CUX2: variants seen among roughly 807,000 people sequenced by gnomAD.
CUX2 encodes the protein cut like homeobox 2, also known as homeobox protein cut-like 2.
A neutral mutation model predicts 144.8 loss-of-function variants in CUX2; 40 were observed. That is an observed-to-expected ratio of 0.28 (90% CI 0.21 to 0.36). The LOEUF (loss-of-function observed/expected upper bound fraction) is 0.36. Among genes scored for constraint, CUX2 ranks in the 10% least tolerant of loss-of-function variants. The pLI, the probability that CUX2 is intolerant of heterozygous loss-of-function variation, is 1.00. For synonymous variants in CUX2, 827 were observed against 875.6 expected, an observed-to-expected ratio of 0.94 and a Z score of 0.98; for missense variants, 1,615 against 1,994.0, an observed-to-expected ratio of 0.81 and a Z score of 3.62.
chr12:111,309,975 G>A, intron 14 of CUX2, 66 bp from the exon 15 acceptor site: 3 of 1,244,602 alleles, frequency 2.4e-6, no homozygotes, highest in Non-Finnish European at 3.0e-6. Flanking sequence ...TTTTCTCCCT[G>A]TCTCTCTCTC....
intron 1 of CUX2, among the ~76,000 whole-genome samples, chr12:111,181,058 G>A (rs1443323126): frequency 6.6e-6 from 1 of 152,262 alleles, no homozygotes; most frequent in Non-Finnish European, 1.5e-5. Context: ...TCCGGCAGCT[G>A]CAGAGAGAAG....
At chr12:111,283,933 G>T (rs1177143166) in intron 4 of CUX2, among the ~76,000 whole-genome samples, 1 of 152,138 alleles carries the variant, frequency 6.6e-6, no homozygotes, top group African/African-American at 2.4e-5. Context: ...CTCCCCACCA[G>T]CCTGGCCGAG....
At chr12:111,154,463 G>A (rs1374116986) in intron 1 of CUX2, among the ~76,000 whole-genome samples, 1 of 152,100 alleles carries the variant, frequency 6.6e-6, no homozygotes, top group Non-Finnish European at 1.5e-5. Context: ...CCTCACTCTC[G>A]AGGAAGGCCA....
intron 1 of CUX2, among the ~76,000 whole-genome samples, chr12:111,123,566 C>T (rs577602079): frequency 6.6e-5 from 10 of 152,094 alleles, no homozygotes; most frequent in Non-Finnish European, 1.0e-4. Flanking sequence ...GACAGGGTCT[C>T]ACTGTATTGC....
chr12:111,170,003 T>C (rs1211416205), intron 1 of CUX2, among the ~76,000 whole-genome samples: 1 of 152,148 alleles, frequency 6.6e-6, no homozygotes, highest in Non-Finnish European at 1.5e-5. Context: ...ACAGGGCCAC[T>C]GGATGCCCCA....
intron 9 of CUX2, among the ~76,000 whole-genome samples, chr12:111,302,477 C>T (rs1430241291): frequency 6.6e-6 from 1 of 152,166 alleles, no homozygotes; most frequent in Non-Finnish European, 1.5e-5. Flanking sequence ...GAGATGAAGC[C>T]TCTTGCCTAA....
intron 21 of CUX2, among the ~76,000 whole-genome samples, chr12:111,343,102 G>A (rs1370775548): frequency 6.6e-6 from 1 of 151,964 alleles, no homozygotes; most frequent in African/African-American, 2.4e-5. Context: ...TGGGGGTACA[G>A]GCCTGAGGAA....
At chr12:111,043,360 A>G (rs1869838703) in intron 1 of CUX2, among the ~76,000 whole-genome samples, 2 of 152,214 alleles carry the variant, frequency 1.3e-5, no homozygotes. Flanking sequence ...AAGAGGGAAC[A>G]GCATTTGCAG....
chr12:111,131,902 C>A (rs1875508429), intron 1 of CUX2, among the ~76,000 whole-genome samples: 1 of 152,216 alleles, frequency 6.6e-6, no homozygotes, highest in Non-Finnish European at 1.5e-5. Context: ...GCTCACAGTG[C>A]AAGCTGTCAG....
intron 1 of CUX2, among the ~76,000 whole-genome samples, chr12:111,048,149 A>G (rs1269238551): frequency 3.3e-5 from 5 of 152,174 alleles, no homozygotes; most frequent in East Asian, 1.9e-4. Flanking sequence ...TTTGAATTCT[A>G]TTATCATGGA....
Position 111,308,327 on chromosome 12 carries a change from C to T in CUX2, c.1152C>T (p.Leu384=), listed in dbSNP as rs1886702500. The change falls in exon 13 of 22, where the codon CTC becomes CTT. Residue 384 remains leucine (L), a synonymous_variant. Coordinates refer to ENST00000261726, the MANE Select transcript of CUX2 (RefSeq NM_015267.4). The part of the protein sequence containing the change: ...AMKLASSTCS[L]PQGMAKPEDS... Reference sequence around the variant, plus strand: ...AGCTGGCCTCCAGCACCTGCAGCCTCCCCCAGGTAAGTGTCCCTGCCACCA... The same window carrying T: ...AGCTGGCCTCCAGCACCTGCAGCCTTCCCCAGGTAAGTGTCCCTGCCACCA... The T allele has an allele frequency of 6.2e-7, 1 of 1,614,008 alleles. No individual in the cohort carries two copies. The highest frequency in any genetic ancestry group is 1.3e-5 in the African/African-American group (1 of 74,912).
At chr12:111,208,094 C>G (rs1881018451) in intron 1 of CUX2, among the ~76,000 whole-genome samples, 1 of 152,010 alleles carries the variant, frequency 6.6e-6, no homozygotes, top group South Asian at 2.1e-4. Context: ...TTGTCCTAGG[C>G]CAGGTTTTAA....
At chr12:111,278,676 A>G (rs1884989403) in intron 4 of CUX2, among the ~76,000 whole-genome samples, 1 of 152,178 alleles carries the variant, frequency 6.6e-6, no homozygotes, top group Non-Finnish European at 1.5e-5. Context: ...GAAAAACAAG[A>G]TTCCCTTGGT....
At chr12:111,060,235 C>A (rs1458750005) in intron 1 of CUX2, among the ~76,000 whole-genome samples, 1 of 152,220 alleles carries the variant, frequency 6.6e-6, no homozygotes, top group African/African-American at 2.4e-5. Flanking sequence ...CATGTCATCT[C>A]TTATAAACTT....
rs764158683 is a variant in CUX2 at position 111,171,420 on chromosome 12, A to AG, written c.64-42776dup. Reference sequence around the variant, plus strand: ...GAGACCGGCCAGAAGGACAGACGAGAGGGGTTTCTTATGCACCAGTGGGAG... The same window carrying AG: ...GAGACCGGCCAGAAGGACAGACGAGAGGGGGTTTCTTATGCACCAGTGGGAG... On this transcript the variant is annotated intron_variant, in intron 1 of 21. Coordinates refer to ENST00000261726, the MANE Select transcript of CUX2 (RefSeq NM_015267.4). The surrounding 1 kb of genome is among the most constrained non-coding windows in gnomAD (Gnocchi z 5.0). Among the ~76,000 whole-genome samples the AG allele has an allele frequency of 1.6e-4, 24 of 152,278 alleles. 1 individual carries two copies. Among genetic ancestry groups the AG allele is most frequent in the Admixed American group, 3.3e-4 (5 of 15,298 alleles).
intron 1 of CUX2, among the ~76,000 whole-genome samples, chr12:111,092,453 A>G (rs1055172183): frequency 5.9e-5 from 9 of 152,192 alleles, no homozygotes; most frequent in Non-Finnish European, 1.2e-4. Flanking sequence ...TGGGCATAAT[A>G]ATAGTACCTT....
In CUX2 at chr12:111,295,509, T is replaced by C; in HGVS notation, c.637+100T>C. The C allele has an allele frequency of 9.4e-7, 1 of 1,061,636 alleles. No individual in the cohort carries two copies. Among genetic ancestry groups the C allele is most frequent in the Non-Finnish European group, 1.3e-6 (1 of 740,830 alleles). The allele number at this position is 1,061,636 out of a possible 1,614,324, so 65.8% of individuals were successfully genotyped here. On this transcript the variant is annotated intron_variant, in intron 7 of 21. Coordinates refer to ENST00000261726, the MANE Select transcript of CUX2 (RefSeq NM_015267.4). This position sits in a 1 kb window ranked among gnomAD's most constrained non-coding sequence, Gnocchi z 5.0. Reference sequence around the variant, plus strand: ...TTGGGGTCTGCCACATCCAGGTGTTTTAGAATCAAGAGGGCAAAATGGGAG... The same window carrying C: ...TTGGGGTCTGCCACATCCAGGTGTTCTAGAATCAAGAGGGCAAAATGGGAG...
intron 1 of CUX2, among the ~76,000 whole-genome samples, chr12:111,096,244 TG>T (rs1468070077): frequency 6.6e-6 from 1 of 152,136 alleles, no homozygotes; most frequent in Non-Finnish European, 1.5e-5. Context: ...AGCCCTCCGG[TG>T]GGGGTGAGGG....
rs1869387646 is a variant in CUX2 at position 111,035,456 on chromosome 12, G to GC, written c.63+1222dup. Among the ~76,000 whole-genome samples the GC allele has an allele frequency of 6.6e-6, 1 of 151,994 alleles. No homozygotes were observed. The highest frequency in any genetic ancestry group is 2.4e-5 in the African/African-American group (1 of 41,366). ...GAGTGCCCCGGACGCGCCTGGCAAG[G>GC]CCCCCCAGCCTTGGAGTCTCGCAAA... On this transcript the variant is annotated intron_variant, in intron 1 of 21. Coordinates refer to ENST00000261726, the MANE Select transcript of CUX2 (RefSeq NM_015267.4). This position sits in a 1 kb window ranked among gnomAD's most constrained non-coding sequence, Gnocchi z 6.0.
Sources: gnomAD v4.1 joint callset for allele counts (sites outside exome capture counted in the v4.1 genomes callset) on GRCh38, gnomAD v4.1.1 for gene constraint, Gnocchi (gnomAD v3.1) non-coding constraint, MANE v1.5 for transcripts, NCBI Gene and HGNC (gene_info 2026-07-23, HGNC 2026-07-21) for gene names.